The following ZNF558 variants were observed in gnomAD, a reference collection of about 807,000 sequenced individuals.
ZNF558 encodes zinc finger protein 558.
ZNF558 carries 23 observed loss-of-function variants against 37.6 expected under a neutral mutation model. The observed-to-expected ratio is 0.61, with a 90% CI of 0.44 to 0.87. The LOEUF (loss-of-function observed/expected upper bound fraction) is 0.87, where lower values mean the gene tolerates loss of function less well. Ranked by LOEUF, ZNF558 falls within the 40% of genes least tolerant of loss-of-function variation. The probability of loss-of-function intolerance (pLI) is 0.00; values close to 1 mark genes in which losing one functional copy is unlikely to be tolerated. For synonymous variants in ZNF558, 189 were observed against 174.4 expected (o/e 1.08, Z -0.66); for missense variants, 429 against 483.7 (o/e 0.89, Z 1.06).
chr19:8,821,486 C>T, intron 6 of ZNF558, 180 bp from the exon 7 acceptor site: 2 of 1,461,788 alleles, frequency 1.4e-6, no homozygotes, highest in Non-Finnish European at 1.8e-6. Context: ...GAGCTCCTCT[C>T]CTGGGGTTCT....
Position 8,822,559 on chromosome 19 carries a change from C to A in ZNF558, c.31+70G>T, listed in dbSNP as rs534846450. 1 of 1,607,740 alleles carries A rather than the reference C, an allele frequency of 6.2e-7. No homozygotes were observed. The highest frequency in any genetic ancestry group is 1.1e-5 in the South Asian group (1 of 90,922). ...CTCACCTGCTCTGCCCAACCCCGCT[C>A]GTGTCCCATGCTGTGGGTCAGAACC... is the stretch of plus-strand genomic sequence containing the variant. On this transcript the variant is annotated intron_variant, in intron 5 of 9. Transcript: ENST00000601372. This position sits in a 1 kb window ranked among gnomAD's most constrained non-coding sequence, Gnocchi z 4.4.
upstream of ZNF558, among the ~76,000 whole-genome samples, chr19:8,837,167 G>A (rs1016115088): frequency 6.6e-6 from 1 of 152,152 alleles, no homozygotes. Flanking sequence ...TTTCTCAGCA[G>A]GTACTTGGTA....
In ZNF558 at chr19:8,810,183, A is replaced by G. The variant is rs2043750262; in HGVS notation, c.*1098T>C. On this transcript the variant is annotated 3_prime_UTR_variant, in exon 10 of 10. Coordinates refer to ENST00000601372, the MANE Select transcript of ZNF558 (RefSeq NM_144693.3). The stretch of plus-strand genomic sequence containing the variant: ...AGCTCTCCAATATTGATGATGTTCA[A>G]TGGGGCATTCTCTCCAGAATTAATT... 1.3e-5 allele frequency: 2 copies of G among 152,348 alleles called. No individual in the cohort carries two copies. The highest frequency in any genetic ancestry group is 4.8e-5 in the African/African-American group (2 of 41,590). The allele number at this position is 152,348 out of a possible 1,614,324, so 9.4% of individuals were successfully genotyped here.
At chr19:8,814,665 G>A (rs1247933184) in intron 7 of ZNF558, among the ~76,000 whole-genome samples, 1 of 152,172 alleles carries the variant, frequency 6.6e-6, no homozygotes, top group African/African-American at 2.4e-5. Flanking sequence ...GAAGGTCAAG[G>A]CACAGTTAAA....
At chr19:8,825,297 G>T (rs1258243735) in intron 2 of ZNF558, among the ~76,000 whole-genome samples, 189 bp from the exon 3 acceptor site, 1 of 152,204 alleles carries the variant, frequency 6.6e-6, no homozygotes, top group South Asian at 2.1e-4. Context: ...GTAGGGGATT[G>T]GGTGAATAAA....
intron 7 of ZNF558, among the ~76,000 whole-genome samples, chr19:8,815,533 C>T (rs1483421744): frequency 6.6e-6 from 1 of 152,100 alleles, no homozygotes; most frequent in East Asian, 1.9e-4. Flanking sequence ...ATAATCCCAG[C>T]ATTTTGGGAG....
chr19:8,830,212 G>T lies in ZNF558; in HGVS notation c.-509+1106C>A, dbSNP rs865998537. Among the ~76,000 whole-genome samples the T allele has an allele frequency of 6.3e-4, 96 of 152,062 alleles. 1 individual carries two copies. The highest frequency in any genetic ancestry group is 1.9e-4 in the Non-Finnish European group (13 of 68,028). ...TTTCCCTTTGCTTTCTGCCATGATC[G>T]TAAGTTTCCTGAGGCCTCCCCCGCC... On this transcript the variant is annotated intron_variant, in intron 2 of 9. Coordinates refer to ENST00000601372, the MANE Select transcript of ZNF558 (RefSeq NM_144693.3).
chr19:8,821,376 G>C (rs1452119721), intron 6 of ZNF558, 70 bp from the exon 7 acceptor site: 14 of 1,613,700 alleles, frequency 8.7e-6, no homozygotes, highest in Non-Finnish European at 1.2e-5. Context: ...AGAGGGGCCA[G>C]GAGAACAGAG....
At chr19:8,827,554 A>T (rs1599292515) in intron 2 of ZNF558, among the ~76,000 whole-genome samples, 1 of 146,178 alleles carries the variant, frequency 6.8e-6, no homozygotes, top group Admixed American at 6.9e-5. Flanking sequence ...GGTCTTGGTC[A>T]CACTTCTTTC....
intron 7 of ZNF558, among the ~76,000 whole-genome samples, chr19:8,816,072 A>G (rs1324269150): frequency 6.6e-6 from 1 of 151,976 alleles, no homozygotes. Flanking sequence ...ACACACACAC[A>G]CACACATTTT....
chr19:8,819,814 G>GGAATTA (rs1244854414), intron 7 of ZNF558, among the ~76,000 whole-genome samples: 1 of 152,080 alleles, frequency 6.6e-6, no homozygotes, highest in African/African-American at 2.4e-5. Flanking sequence ...GGTGGCACAT[G>GGAATTA]CCTGTAATTC....
At chr19:8,816,454 G>A (rs1198645898) in intron 7 of ZNF558, among the ~76,000 whole-genome samples, 1 of 151,998 alleles carries the variant, frequency 6.6e-6, no homozygotes, top group Admixed American at 6.6e-5. Context: ...CAGGATCCTC[G>A]GTAAGATTAC....
chr19:8,812,168 T>C, intron 9 of ZNF558, 105 bp from the exon 10 acceptor site: 4 of 1,147,140 alleles, frequency 3.5e-6, no homozygotes, highest in Non-Finnish European at 4.7e-6. Context: ...TTATTATAAT[T>C]GATATTTTGG....
intron 7 of ZNF558, among the ~76,000 whole-genome samples, chr19:8,814,454 C>T (rs1481218405): frequency 6.6e-6 from 1 of 152,108 alleles, no homozygotes; most frequent in Non-Finnish European, 1.5e-5. Context: ...TAGAAGCAAA[C>T]AAAAGACTAA....
chr19:8,821,483 T>C, intron 6 of ZNF558, 177 bp from the exon 7 acceptor site: 1 of 1,463,392 alleles, frequency 6.8e-7, no homozygotes, highest in Non-Finnish European at 9.0e-7. Context: ...TCTGAGCTCC[T>C]CTCCTGGGGT....
intron 2 of ZNF558, among the ~76,000 whole-genome samples, chr19:8,826,143 C>A (rs1288188911): frequency 6.6e-6 from 1 of 152,050 alleles, no homozygotes; most frequent in East Asian, 1.9e-4. Flanking sequence ...ATGAAAAACG[C>A]AGGAAATGGG....
In ZNF558 at chr19:8,811,242, G is replaced by T; in HGVS notation, c.*39C>A. On this transcript the variant is annotated 3_prime_UTR_variant, in exon 10 of 10. Transcript: ENST00000601372. ...CTCTCAAACTATCTTAGGGATGAAA[G>T]ATCAATGAGTGCTTTCCTCCAGAAG... 1 of 1,515,230 alleles carries T rather than the reference G, an allele frequency of 6.6e-7. No individual in the cohort carries two copies. Among genetic ancestry groups the T allele is most frequent in the South Asian group, 1.3e-5 (1 of 74,576 alleles). The allele number at this position is 1,515,230 out of a possible 1,614,324, so 93.9% of individuals were successfully genotyped here.
upstream of ZNF558, among the ~76,000 whole-genome samples, chr19:8,833,964 G>C (rs192707960): frequency 6.6e-6 from 1 of 151,852 alleles, no homozygotes; most frequent in African/African-American, 2.4e-5. Context: ...ACTCCAGCCC[G>C]GGTGACGAGC....
Position 8,811,495 on chromosome 19 carries a change from C to G in ZNF558, c.995G>C (p.Ser332Thr). Reference protein sequence around the residue: ...CNECGKSFSSSFSLTVHKRIH... With the variant: ...CNECGKSFSSTFSLTVHKRIH... ...TCTCTTGTGCACAGTAAGAGAAAAG[C>G]TACTGCTGAAGGATTTCCCACACTC... Residue 332 changes from serine to threonine, a missense_variant, in exon 10 of 10, where the codon AGC becomes ACC. Physicochemically the swap from Ser to Thr is moderately conservative, Grantham distance 58 (BLOSUM62 1). Coordinates refer to ENST00000601372, the MANE Select transcript of ZNF558 (RefSeq NM_144693.3). The G allele has an allele frequency of 6.2e-7, 1 of 1,614,050 alleles. No homozygotes were observed. The highest frequency in any genetic ancestry group is 8.5e-7 in the Non-Finnish European group (1 of 1,179,986).
Sources: allele counts gnomAD v4.1 joint callset (sites outside exome capture counted in the v4.1 genomes callset), GRCh38; gene constraint gnomAD v4.1.1; non-coding constraint Gnocchi (gnomAD v3.1); transcripts MANE v1.5; gene names NCBI Gene and HGNC (gene_info 2026-07-23, HGNC 2026-07-21).